ARHGAP18: variants seen among roughly 807,000 people sequenced by gnomAD.
The protein encoded by ARHGAP18 is Rho GTPase activating protein 18.
Under a neutral mutation model 86.2 loss-of-function variants are expected in ARHGAP18, and 67 were observed. That is an observed-to-expected ratio of 0.78 (90% CI 0.64 to 0.95). The LOEUF (loss-of-function observed/expected upper bound fraction) is 0.95, where lower values mean the gene tolerates loss of function less well. ARHGAP18 is among the 40% of genes least tolerant of loss of function. The pLI, the probability that ARHGAP18 is intolerant of heterozygous loss-of-function variation, is 0.00. For synonymous variants in ARHGAP18, 283 were observed against 280.4 expected (o/e 1.01, Z -0.09); for missense variants, 691 against 780.4 (o/e 0.89, Z 1.37).
At chr6:129,579,493 G>GA (rs1489277267) in intron 14 of ARHGAP18, among the ~76,000 whole-genome samples, 1 of 151,562 alleles carries the variant, frequency 6.6e-6, no homozygotes, top group Admixed American at 6.6e-5. Context: ...AGTCAAAAAA[G>GA]AAAAAAAGAT....
intron 1 of ARHGAP18, among the ~76,000 whole-genome samples, chr6:129,707,240 A>C (rs1375509477): frequency 6.6e-6 from 1 of 152,078 alleles, no homozygotes; most frequent in Non-Finnish European, 1.5e-5. Context: ...TCTCGAAAAA[A>C]AAAAGGAAAC....
chr6:129,672,245 C>G (rs1169109840), intron 1 of ARHGAP18, among the ~76,000 whole-genome samples: 5 of 152,198 alleles, frequency 3.3e-5, no homozygotes, highest in Admixed American at 3.3e-4. Flanking sequence ...GTGTGCCAAC[C>G]TTACTCTCCA....
At chr6:129,683,218 C>T (rs1774356845) in intron 1 of ARHGAP18, among the ~76,000 whole-genome samples, 1 of 152,022 alleles carries the variant, frequency 6.6e-6, no homozygotes, top group South Asian at 2.1e-4. Context: ...ACTACAGGCA[C>T]TCGCCACCAC....
At chr6:129,606,079 A>G in intron 9 of ARHGAP18, 120 bp from the exon 10 acceptor site, 1 of 861,590 alleles carries the variant, frequency 1.2e-6, no homozygotes, top group Non-Finnish European at 1.8e-6. Context: ...AATGTAAGAC[A>G]CAACGACTGA....
chr6:129,585,385 A>G (rs1178253548), intron 12 of ARHGAP18, among the ~76,000 whole-genome samples: 2 of 152,240 alleles, frequency 1.3e-5, no homozygotes, highest in Non-Finnish European at 2.9e-5. Context: ...CACAAATAAT[A>G]TACCTTTAGA....
intron 10 of ARHGAP18, among the ~76,000 whole-genome samples, chr6:129,601,808 CAT>C (rs61225620): frequency 0.014 from 2,126 of 151,516 alleles, 49 homozygotes; most frequent in African/African-American, 0.05. Context: ...TTTGATTTTT[CAT>C]AGAGGCAAAT....
chr6:129,580,124 C>A lies in ARHGAP18; in HGVS notation c.1846G>T (p.Ala616Ser), dbSNP rs745866185. The change falls in exon 14 of 15, where the codon GCC (alanine) becomes TCC (serine). Residue 616 changes from alanine to serine, a missense_variant. Transcript: ENST00000368149. ...ACTTCTCCTTTCTTGAGAGTCTGGG[C>A]AACCCCACTATGAGGGACAAAACAA... ...ARFLSQESGV[A>S]QTLKKGEVFL... is the part of the protein sequence containing the mutation. 1 of 1,613,676 alleles carries A rather than the reference C, an allele frequency of 6.2e-7. No individual in the cohort carries two copies. Among genetic ancestry groups the A allele is most frequent in the Non-Finnish European group, 8.5e-7 (1 of 1,179,724 alleles).
intron 5 of ARHGAP18, among the ~76,000 whole-genome samples, chr6:129,628,833 A>T (rs1329714702): frequency 6.6e-6 from 1 of 152,182 alleles, no homozygotes; most frequent in Non-Finnish European, 1.5e-5. Flanking sequence ...TGGAAAAGAG[A>T]GAAGCTATAA....
In ARHGAP18 at chr6:129,683,362, C is replaced by T. The variant is rs1313335058; in HGVS notation, c.113+26662G>A. Among the ~76,000 whole-genome samples, 5 of 152,162 alleles carry T rather than the reference C, an allele frequency of 3.3e-5. No individual in the cohort carries two copies. In the East Asian group the frequency reaches 7.7e-4, roughly 23 times the overall value. On this transcript the variant is annotated intron_variant, in intron 1 of 14. Transcript: ENST00000368149. Reference sequence around the variant, plus strand: ...CTGGGATTACAGGCGTGAGCCACCACGCCCGGCCTTGTTTTTTCTTTTAAT... The same window carrying T: ...CTGGGATTACAGGCGTGAGCCACCATGCCCGGCCTTGTTTTTTCTTTTAAT...
intron 1 of ARHGAP18, among the ~76,000 whole-genome samples, chr6:129,702,077 T>C (rs768443803): frequency 1.3e-5 from 2 of 152,200 alleles, no homozygotes; most frequent in Non-Finnish European, 2.9e-5. Context: ...CAGTGTTCTT[T>C]GCAGCCAAAA....
At chr6:129,584,539 C>T (rs1269341178) in intron 12 of ARHGAP18, among the ~76,000 whole-genome samples, 1 of 152,094 alleles carries the variant, frequency 6.6e-6, no homozygotes, top group East Asian at 1.9e-4. Flanking sequence ...TTTTTTGTCT[C>T]TGAATGTTTT....
intron 7 of ARHGAP18, among the ~76,000 whole-genome samples, chr6:129,613,817 T>C (rs1370372424): frequency 9.9e-5 from 15 of 151,534 alleles, no homozygotes; most frequent in African/African-American, 3.6e-4. Context: ...AAAATAACTA[T>C]ATTGACTCAT....
chr6:129,658,075 G>C lies in ARHGAP18; in HGVS notation c.114-16057C>G, dbSNP rs577778614. 5.3e-5 allele frequency among the ~76,000 whole-genome samples: 8 copies of C among 152,324 alleles called. No individual in the cohort carries two copies. In the South Asian group the frequency reaches 1.7e-3, roughly 32 times the overall value. ...GTGGGAAGGAACTACTACTGGAAGAGAGAAGGTGGCATATCTTCAGGTCTA... is the reference window on the plus strand; with the variant it reads ...GTGGGAAGGAACTACTACTGGAAGACAGAAGGTGGCATATCTTCAGGTCTA... On this transcript the variant is annotated intron_variant, in intron 1 of 14. Transcript: ENST00000368149.
intron 1 of ARHGAP18, among the ~76,000 whole-genome samples, chr6:129,674,931 T>C (rs1198304570): frequency 1.3e-5 from 2 of 152,182 alleles, no homozygotes; most frequent in Admixed American, 1.3e-4. Context: ...TTATAAGGTG[T>C]CGCCTCCATT....
At chr6:129,602,519 A>C (rs1788768222) in intron 10 of ARHGAP18, among the ~76,000 whole-genome samples, 2 of 152,178 alleles carry the variant, frequency 1.3e-5, no homozygotes, top group Non-Finnish European at 1.5e-5. Flanking sequence ...TGTAAGTGCT[A>C]ACAGGTTGCT....
At chr6:129,686,387 G>A (rs900160979) in intron 1 of ARHGAP18, among the ~76,000 whole-genome samples, 7 of 152,146 alleles carry the variant, frequency 4.6e-5, no homozygotes, top group Non-Finnish European at 1.0e-4. Context: ...TTCTACAAGT[G>A]ATGTTCAGGG....
chr6:129,673,346 G>T (rs1170827217), intron 1 of ARHGAP18, among the ~76,000 whole-genome samples: 5 of 137,600 alleles, frequency 3.6e-5, no homozygotes, highest in Non-Finnish European at 6.2e-5. Context: ...GGACAAAATA[G>T]TCATGCCAAA....
At chr6:129,623,403 T>G (rs1789273533) in intron 5 of ARHGAP18, among the ~76,000 whole-genome samples, 2 of 152,156 alleles carry the variant, frequency 1.3e-5, no homozygotes, top group Non-Finnish European at 2.9e-5. Flanking sequence ...AGTAGCTAAA[T>G]TTTCAAACTA....
At chr6:129,681,677 C>G (rs1242916989) in intron 1 of ARHGAP18, among the ~76,000 whole-genome samples, 1 of 152,120 alleles carries the variant, frequency 6.6e-6, no homozygotes, top group Admixed American at 6.5e-5. Flanking sequence ...TGGCTTAAAA[C>G]ATAGCAACAT....
Sources: gnomAD v4.1 joint callset for allele counts (sites outside exome capture counted in the v4.1 genomes callset) on GRCh38, gnomAD v4.1.1 for gene constraint, MANE v1.5 for transcripts, NCBI Gene and HGNC (gene_info 2026-07-23, HGNC 2026-07-21) for gene names.